Variants in ELF1 observed in about 807,000 individuals in gnomAD.
ELF1 encodes the protein E74 like ETS transcription factor 1.
In ELF1, 24 loss-of-function variants were observed where a neutral mutation model predicts 59.9. That is an observed-to-expected ratio of 0.40 (90% confidence interval 0.29 to 0.56). The LOEUF is 0.56. ELF1 is among the 20% of genes least tolerant of loss of function. The pLI, the probability that ELF1 is intolerant of heterozygous loss-of-function variation, is 0.44. For missense variants in ELF1, 627 were observed against 742.2 expected, an observed-to-expected ratio of 0.84 and a Z score of 1.80; for synonymous variants, 248 against 266.2, an observed-to-expected ratio of 0.93 and a Z score of 0.67.
chr13:41,025,330 C>T (rs990215329), intron 1 of ELF1, among the ~76,000 whole-genome samples: 5 of 152,202 alleles, frequency 3.3e-5, no homozygotes, highest in Non-Finnish European at 5.9e-5. Context: ...AATTTCAATG[C>T]CTCCTCTACA....
chr13:40,964,170 A>G (rs1872031643), intron 2 of ELF1, among the ~76,000 whole-genome samples: 1 of 152,210 alleles, frequency 6.6e-6, no homozygotes, highest in African/African-American at 2.4e-5. Flanking sequence ...CACACATTCT[A>G]CAATTCCTTC....
rs574903987 is a variant in ELF1, at chr13:41,012,404, AGTTT to A, written c.-229+6820_-229+6823del. 9.3e-5 allele frequency among the ~76,000 whole-genome samples: 14 copies of A among 150,320 alleles called. No individual in the cohort carries two copies. In the East Asian group the frequency reaches 9.7e-4, roughly 10 times the overall value. On this transcript the variant is annotated intron_variant, in intron 1 of 8. Coordinates refer to ENST00000239882, the MANE Select transcript of ELF1 (RefSeq NM_172373.4). ...ACCACCTAGCTTTATATTTTACCAT[AGTTT>A]GTTTGTTTTTGTTTTTCTGTTTTGT... is the stretch of plus-strand genomic sequence containing the variant.
chr13:40,965,118 T>C (rs1289683885), intron 2 of ELF1, among the ~76,000 whole-genome samples: 1 of 152,222 alleles, frequency 6.6e-6, no homozygotes, highest in Non-Finnish European at 1.5e-5. Context: ...AACTAGTCTT[T>C]TCATTGTTTC....
At chr13:41,018,759 C>T (rs1875561653) in intron 1 of ELF1, among the ~76,000 whole-genome samples, 1 of 152,092 alleles carries the variant, frequency 6.6e-6, no homozygotes, top group Admixed American at 6.6e-5. Flanking sequence ...ACACCTATGG[C>T]TGAGTTGTCC....
At chr13:40,958,448 A>C (rs1871595385) in intron 3 of ELF1, among the ~76,000 whole-genome samples, 1 of 151,920 alleles carries the variant, frequency 6.6e-6, no homozygotes, top group Non-Finnish European at 1.5e-5. Flanking sequence ...TGTCCCAGTT[A>C]CTCAGGAGGC....
chr13:41,021,889 A>C (rs918066067), upstream of ELF1, among the ~76,000 whole-genome samples: 2 of 152,188 alleles, frequency 1.3e-5, no homozygotes, highest in Admixed American at 1.3e-4. Flanking sequence ...ACAACAAAAC[A>C]AAACAAAAAC....
intron 1 of ELF1, among the ~76,000 whole-genome samples, chr13:41,024,713 T>C (rs558360576): frequency 1.3e-5 from 2 of 152,272 alleles, no homozygotes; most frequent in South Asian, 4.1e-4. Flanking sequence ...TAGCATCTAC[T>C]GTAGTTACTG....
At chr13:41,054,874 C>CA (rs1299031248) in intron 1 of ELF1, among the ~76,000 whole-genome samples, 1 of 152,194 alleles carries the variant, frequency 6.6e-6, no homozygotes, top group Non-Finnish European at 1.5e-5. Flanking sequence ...CTCGTATTAC[C>CA]AGAAATCTCT....
At chr13:41,026,004 A>C (rs1300407795) in intron 1 of ELF1, among the ~76,000 whole-genome samples, 5 of 152,230 alleles carry the variant, frequency 3.3e-5, no homozygotes, top group Admixed American at 1.3e-4. Flanking sequence ...ACTCAGGGAT[A>C]TATCAACCCC....
chr13:41,052,501 T>C (rs143689200), intron 1 of ELF1, among the ~76,000 whole-genome samples: 4 of 152,340 alleles, frequency 2.6e-5, no homozygotes, highest in African/African-American at 9.6e-5. Context: ...TTAAGTTTAT[T>C]GACTCTTCAT....
chr13:41,023,307 T>C (rs1369279921), upstream of ELF1, among the ~76,000 whole-genome samples: 2 of 152,194 alleles, frequency 1.3e-5, no homozygotes, highest in Non-Finnish European at 2.9e-5. Flanking sequence ...AATACTCTAA[T>C]TTCCATATCT....
chr13:40,963,680 G>A (rs545603797), intron 2 of ELF1, among the ~76,000 whole-genome samples: 302 of 152,292 alleles, frequency 2.0e-3, no homozygotes, highest in Non-Finnish European at 3.5e-3. Context: ...AGGCCGAGGC[G>A]GGCGGATCAC....
chr13:40,970,169 TGTC>T (rs1332283365), intron 2 of ELF1, among the ~76,000 whole-genome samples: 1 of 152,196 alleles, frequency 6.6e-6, no homozygotes, highest in Non-Finnish European at 1.5e-5. Flanking sequence ...ACAAATCAAG[TGTC>T]GTCAAGATTA....
At chr13:40,973,774 T>C (rs1424178480) in intron 2 of ELF1, among the ~76,000 whole-genome samples, 2 of 152,156 alleles carry the variant, frequency 1.3e-5, no homozygotes, top group African/African-American at 4.8e-5. Flanking sequence ...TTTGAAAATG[T>C]GTACAGAATG....
intron 3 of ELF1, among the ~76,000 whole-genome samples, chr13:40,958,054 T>C (rs1593362479): frequency 6.6e-6 from 1 of 152,360 alleles, no homozygotes; most frequent in Middle Eastern, 3.4e-3. Context: ...CGAATAAAGA[T>C]GCAAATATTT....
intron 1 of ELF1, among the ~76,000 whole-genome samples, chr13:41,006,081 C>A (rs1012768547): frequency 6.6e-6 from 1 of 152,178 alleles, no homozygotes; most frequent in African/African-American, 2.4e-5. Flanking sequence ...CTAAAGAGAA[C>A]TTAACATATA....
In ELF1 at chr13:40,933,420, A is replaced by G; in HGVS notation, c.*5T>C. On this transcript the variant is annotated 3_prime_UTR_variant, in exon 9 of 9. Transcript: ENST00000239882. ...AACAATTATTCATAAGCTTTGGTAT[A>G]TTAACTAAAAAGAGTTGGGTTCCAG... is the stretch of plus-strand genomic sequence containing the variant. The G allele has an allele frequency of 6.2e-7, 1 of 1,606,952 alleles. No homozygotes were observed. Among genetic ancestry groups the G allele is most frequent in the Non-Finnish European group, 8.5e-7 (1 of 1,176,744 alleles).
At chr13:40,999,217 GAGAGA>G (rs1030344105) in intron 1 of ELF1, among the ~76,000 whole-genome samples, 3 of 152,254 alleles carry the variant, frequency 2.0e-5, no homozygotes, top group African/African-American at 7.2e-5. Flanking sequence ...CAACAAGACC[GAGAGA>G]AGCAACTAAA....
Position 41,027,553 on chromosome 13 carries a change from C to T in ELF1, c.-229+33285G>A, listed in dbSNP as rs556930691. Among the ~76,000 whole-genome samples, 6 of 152,322 alleles carry T rather than the reference C, an allele frequency of 3.9e-5. No individual in the cohort carries two copies. The South Asian group carries it at 1.0e-3, about 26-fold the overall frequency. On this transcript the variant is annotated intron_variant, in intron 1 of 1. Coordinates refer to the ELF1 transcript ENST00000405737. ...ATGAGCCCCCAGTATGGCACCATTC[C>T]CTGGGGTGATCCGCCAGCTACCTGG...
Sources: gnomAD v4.1 joint callset for allele counts (sites outside exome capture counted in the v4.1 genomes callset) on GRCh38, gnomAD v4.1.1 for gene constraint, MANE v1.5 for transcripts, NCBI Gene and HGNC (gene_info 2026-07-23, HGNC 2026-07-21) for gene names.